The following L3MBTL4 variants were observed in gnomAD, a reference collection of about 807,000 sequenced individuals.
L3MBTL4 encodes L3MBTL histone methyl-lysine binding protein 4.
In L3MBTL4, 70 loss-of-function variants were observed where a neutral mutation model predicts 84.5. That is an observed-to-expected ratio of 0.83 (90% confidence interval 0.68 to 1.01). The LOEUF is 1.01. Among genes scored for constraint, L3MBTL4 ranks in the 50% least tolerant of loss-of-function variants. The probability of loss-of-function intolerance (pLI) is 0.00; values close to 1 mark genes in which losing one functional copy is unlikely to be tolerated. For synonymous variants in L3MBTL4, 274 were observed against 259.8 expected, an observed-to-expected ratio of 1.05 and a Z score of -0.52; for missense variants, 715 against 754.8, an observed-to-expected ratio of 0.95 and a Z score of 0.62.
chr18:5,992,718 C>T (rs1289154717), intron 16 of L3MBTL4, among the ~76,000 whole-genome samples: 1 of 152,156 alleles, frequency 6.6e-6, no homozygotes, highest in Non-Finnish European at 1.5e-5. Context: ...TCCACCCCCA[C>T]TCTCTCCCTC....
intron 1 of L3MBTL4, among the ~76,000 whole-genome samples, chr18:6,351,227 C>T (rs1158878287): frequency 2.0e-5 from 3 of 152,004 alleles, no homozygotes; most frequent in Admixed American, 6.6e-5. Flanking sequence ...ATAAATGAAT[C>T]TTGAAAACAT....
chr18:6,121,685 CGTGTGTGT>C lies in L3MBTL4; in HGVS notation c.1199+16501_1199+16508del, dbSNP rs762077935. Among the ~76,000 whole-genome samples the C allele has an allele frequency of 4.6e-3, 657 of 142,922 alleles. 3 individuals are homozygous for C. The highest frequency in any genetic ancestry group is 0.016 in the African/African-American group (612 of 38,530). The allele number at this position is 142,922 out of a possible 152,430, so 93.8% of individuals were successfully genotyped here. A position where few individuals can be genotyped will look rare whatever the true frequency, so the allele number is the denominator to read the frequency against. ...ATCATAACAACTAGCATTGTTTCCCCGTGTGTGTGTGTGTGTGTGTGTGTGTGTGTGTG... is the reference window on the plus strand; with the variant it reads ...ATCATAACAACTAGCATTGTTTCCCCGTGTGTGTGTGTGTGTGTGTGTGTG... On this transcript the variant is annotated intron_variant, in intron 14 of 18. Coordinates refer to ENST00000317931, the MANE Select transcript of L3MBTL4 (RefSeq NM_001330559.2).
rs200697690 is a variant in L3MBTL4, at chr18:6,244,511, C to T, written c.297G>A (p.Ser99=). 1.9e-6 allele frequency: 3 copies of T among 1,613,316 alleles called. No individual in the cohort carries two copies. Among genetic ancestry groups the T allele is most frequent in the Admixed American group, 1.7e-5 (1 of 59,986 alleles). The stretch of plus-strand genomic sequence containing the variant: ...CCGCTACAGAAAGCACACAGAATAC[C>T]GATGGATGTCGGGGATCAATGCCTT... ...RLEGIDPRHP[S]VFCVLSVAEV... The change falls in exon 6 of 19, where the codon TCG becomes TCA. Residue 99 remains serine (S), a synonymous_variant. Transcript: ENST00000317931.
intron 14 of L3MBTL4, among the ~76,000 whole-genome samples, chr18:6,115,925 T>C (rs931892243): frequency 1.3e-5 from 2 of 152,104 alleles, no homozygotes; most frequent in African/African-American, 4.8e-5. Flanking sequence ...GCAGTCCTTG[T>C]GATCCATGCA....
chr18:6,372,926 T>C (rs2054677449), intron 1 of L3MBTL4, among the ~76,000 whole-genome samples: 1 of 152,262 alleles, frequency 6.6e-6, no homozygotes, highest in Non-Finnish European at 1.5e-5. Flanking sequence ...TTCAGTATCC[T>C]CTTGAAGCAA....
At chr18:6,022,117 C>T (rs2055300459) in intron 16 of L3MBTL4, among the ~76,000 whole-genome samples, 1 of 152,316 alleles carries the variant, frequency 6.6e-6, no homozygotes, top group Admixed American at 6.5e-5. Context: ...CTCAAATTAG[C>T]CTCATGATCT....
chr18:5,956,409 CAAAT>C, intron 18 of L3MBTL4, 22 bp from the exon 19 acceptor site: 1 of 1,610,132 alleles, frequency 6.2e-7, no homozygotes, highest in Non-Finnish European at 8.5e-7. Context: ...TAAATAGACA[CAAAT>C]AAAAATGTTT....
At chr18:6,373,398 T>C (rs551081606) in intron 1 of L3MBTL4, among the ~76,000 whole-genome samples, 2 of 152,266 alleles carry the variant, frequency 1.3e-5, no homozygotes, top group South Asian at 4.2e-4. Context: ...CCTACTTGCA[T>C]AAAAACGCAG....
chr18:6,063,088 T>C (rs1157852290), intron 16 of L3MBTL4, among the ~76,000 whole-genome samples: 1 of 152,022 alleles, frequency 6.6e-6, no homozygotes, highest in African/African-American at 2.4e-5. Context: ...ATATGATATT[T>C]GGTTTTCCAT....
At chr18:6,319,920 C>T (rs1379967281) in intron 1 of L3MBTL4, among the ~76,000 whole-genome samples, 1 of 152,072 alleles carries the variant, frequency 6.6e-6, no homozygotes, top group Non-Finnish European at 1.5e-5. Context: ...GCAAATCCAA[C>T]AGCACATCAA....
chr18:6,308,732 A>C (rs900170737), intron 3 of L3MBTL4, among the ~76,000 whole-genome samples: 1 of 152,206 alleles, frequency 6.6e-6, no homozygotes, highest in Non-Finnish European at 1.5e-5. Flanking sequence ...TGTGCATAAA[A>C]GGTTTGGAAT....
intron 16 of L3MBTL4, among the ~76,000 whole-genome samples, chr18:5,989,496 G>C (rs2053597252): frequency 6.6e-6 from 1 of 152,184 alleles, no homozygotes; most frequent in Non-Finnish European, 1.5e-5. Flanking sequence ...GCCTTTAAAA[G>C]CAGTGTGCTA....
rs79368407 is a variant in L3MBTL4 at position 6,356,367 on chromosome 18, A to G, written c.-90-44311T>C. On this transcript the variant is annotated intron_variant, in intron 1 of 18. Coordinates refer to ENST00000317931, the MANE Select transcript of L3MBTL4 (RefSeq NM_001330559.2). Reference sequence around the variant, plus strand: ...CTATTTGTCCCACAGCTTAAATATCATGTGCTCATCCTGCTCACAGATGGA... The same window carrying G: ...CTATTTGTCCCACAGCTTAAATATCGTGTGCTCATCCTGCTCACAGATGGA... Among the ~76,000 whole-genome samples the G allele has an allele frequency of 7.7e-3, 1,174 of 152,344 alleles. 13 individuals carry two copies. The highest frequency in any genetic ancestry group is 0.027 in the African/African-American group (1,135 of 41,580).
At chr18:6,250,674 G>A (rs184493488) in intron 5 of L3MBTL4, among the ~76,000 whole-genome samples, 13 of 152,250 alleles carry the variant, frequency 8.5e-5, no homozygotes, top group Admixed American at 4.6e-4. Context: ...CCTGGCCACC[G>A]AGGCACACAT....
chr18:6,037,373 TAGACTCCA>T (rs2056190403), intron 16 of L3MBTL4, among the ~76,000 whole-genome samples: 1 of 152,238 alleles, frequency 6.6e-6, no homozygotes, highest in African/African-American at 2.4e-5. Flanking sequence ...AAGGCTTTGA[TAGACTCCA>T]AGACTCTGGA....
chr18:6,189,073 C>A (rs1008449407), intron 12 of L3MBTL4, among the ~76,000 whole-genome samples: 3 of 152,230 alleles, frequency 2.0e-5, no homozygotes. Flanking sequence ...TAGGGCCACA[C>A]TCCATCTGGG....
At chr18:6,125,240 C>T (rs986931978) in intron 14 of L3MBTL4, among the ~76,000 whole-genome samples, 2 of 151,920 alleles carry the variant, frequency 1.3e-5, no homozygotes, top group Non-Finnish European at 2.9e-5. Context: ...TGTCCTACCA[C>T]TAGTAGCAAG....
chr18:5,964,402 T>A (rs2052230617), intron 17 of L3MBTL4, among the ~76,000 whole-genome samples: 1 of 152,208 alleles, frequency 6.6e-6, no homozygotes, highest in Non-Finnish European at 1.5e-5. Flanking sequence ...GCTGGTGTTC[T>A]CTATCTCGCT....
chr18:6,156,056 C>T (rs1292521722), intron 13 of L3MBTL4, among the ~76,000 whole-genome samples: 1 of 152,146 alleles, frequency 6.6e-6, no homozygotes, highest in African/African-American at 2.4e-5. Flanking sequence ...GATAGCTGCC[C>T]TTGCCCACTT....
Sources: allele counts gnomAD v4.1 joint callset (sites outside exome capture counted in the v4.1 genomes callset), GRCh38; gene constraint gnomAD v4.1.1; transcripts MANE v1.5; gene names NCBI Gene and HGNC (gene_info 2026-07-23, HGNC 2026-07-21).